ESRRG: variants seen among roughly 807,000 people sequenced by gnomAD.
The protein encoded by ESRRG is estrogen-related receptor gamma.
A neutral mutation model predicts 44.0 loss-of-function variants in ESRRG; 13 were observed. That is an observed-to-expected ratio of 0.30 (90% CI 0.19 to 0.47). The LOEUF (loss-of-function observed/expected upper bound fraction) is 0.47. Among genes scored for constraint, ESRRG ranks in the 20% least tolerant of loss-of-function variants. The probability of loss-of-function intolerance (pLI) is 1.00; values close to 1 mark genes in which losing one functional copy is unlikely to be tolerated. For missense variants in ESRRG, 395 were observed against 580.6 expected (o/e 0.68, Z 3.29); for synonymous variants, 215 against 214.6 (o/e 1.00, Z -0.02).
intron 2 of ESRRG, among the ~76,000 whole-genome samples, chr1:216,777,320 C>T (rs1313181937): frequency 1.3e-5 from 2 of 152,094 alleles, no homozygotes; most frequent in African/African-American, 4.8e-5. Context: ...CCTAGCAGCT[C>T]CTCCCATTCC....
intron 2 of ESRRG, among the ~76,000 whole-genome samples, chr1:216,667,075 C>A (rs1240648810): frequency 2.0e-5 from 3 of 152,192 alleles, no homozygotes; most frequent in Non-Finnish European, 2.9e-5. Context: ...ACCAGATAGG[C>A]ACCAGGTCTT....
chr1:216,862,557 A>T, intron 2 of ESRRG: 1 of 152,194 alleles, frequency 6.6e-6, no homozygotes, highest in Non-Finnish European at 1.5e-5. Context: ...GTACCTCAGT[A>T]ATAAAAAGGA....
upstream of ESRRG, among the ~76,000 whole-genome samples, chr1:216,724,488 C>T (rs1280832851): frequency 6.6e-6 from 1 of 151,494 alleles, no homozygotes; most frequent in Non-Finnish European, 1.5e-5. Flanking sequence ...TGATTTTACC[C>T]AAAACATCCT....
intron 3 of ESRRG, among the ~76,000 whole-genome samples, chr1:216,628,215 T>A (rs2063516591): frequency 6.6e-6 from 1 of 152,210 alleles, no homozygotes; most frequent in African/African-American, 2.4e-5. Context: ...ATAACTCTGT[T>A]GAACCTGATA....
intron 1 of ESRRG, among the ~76,000 whole-genome samples, chr1:217,122,983 C>T (rs909041641): frequency 2.0e-5 from 3 of 152,154 alleles, no homozygotes; most frequent in East Asian, 1.9e-4. Flanking sequence ...TGAGCCACCG[C>T]GCCCAGCCAG....
intron 2 of ESRRG, among the ~76,000 whole-genome samples, chr1:216,823,914 G>A (rs948367538): frequency 2.6e-4 from 40 of 152,124 alleles, no homozygotes; most frequent in African/African-American, 9.7e-4. Context: ...TGCAATGAAA[G>A]GGAAGTCTGT....
intron 2 of ESRRG, among the ~76,000 whole-genome samples, chr1:216,835,109 T>C (rs891797298): frequency 2.6e-5 from 4 of 152,010 alleles, no homozygotes; most frequent in Admixed American, 2.0e-4. Context: ...GCTTTGTTTT[T>C]GGAATAAGAG....
intron 2 of ESRRG, among the ~76,000 whole-genome samples, chr1:216,778,703 C>A (rs2093704200): frequency 1.3e-5 from 2 of 152,022 alleles, no homozygotes; most frequent in Middle Eastern, 3.4e-3. Context: ...ACACCCACTG[C>A]AAAATTGTAC....
intron 2 of ESRRG, among the ~76,000 whole-genome samples, chr1:216,930,165 C>T (rs1331509476): frequency 3.9e-5 from 6 of 152,160 alleles, no homozygotes; most frequent in African/African-American, 1.4e-4. Flanking sequence ...CTCACACATC[C>T]TTATTTTTCT....
intron 1 of ESRRG, among the ~76,000 whole-genome samples, chr1:217,020,386 GGGA>G (rs1423946769): frequency 6.6e-6 from 1 of 152,132 alleles, no homozygotes; most frequent in African/African-American, 2.4e-5. Context: ...CTTAACTGTA[GGGA>G]TTATCTACCA....
intron 2 of ESRRG, among the ~76,000 whole-genome samples, chr1:216,656,681 AT>A (rs1256728502): frequency 6.6e-6 from 1 of 152,206 alleles, no homozygotes; most frequent in Non-Finnish European, 1.5e-5. Flanking sequence ...AAATAAAAAT[AT>A]ATGTCAAATC....
At chr1:217,082,347 T>C (rs2091822457) in intron 1 of ESRRG, among the ~76,000 whole-genome samples, 1 of 152,244 alleles carries the variant, frequency 6.6e-6, no homozygotes. Context: ...TAAGCACTTT[T>C]ATAGCCAAGA....
intron 2 of ESRRG, among the ~76,000 whole-genome samples, chr1:216,755,028 T>C (rs893727969): frequency 6.6e-6 from 1 of 152,012 alleles, no homozygotes; most frequent in Admixed American, 6.6e-5. Context: ...TTCATGTTTA[T>C]ATATTTTGGG....
rs189519266 is a variant in ESRRG, at chr1:216,887,274, C to T, written c.-14+52308G>A. On this transcript the variant is annotated intron_variant, in intron 2 of 7. Coordinates refer to the ESRRG transcript ENST00000359162. ...TATATACAGTATTTCAGCTACATATCAGTTAAGTAAACTTTCCTGGAATTG... is the reference window on the plus strand; with the variant it reads ...TATATACAGTATTTCAGCTACATATTAGTTAAGTAAACTTTCCTGGAATTG... Among the ~76,000 whole-genome samples the T allele has an allele frequency of 5.6e-4, 85 of 152,278 alleles. No homozygotes were observed. In the Middle Eastern group the frequency reaches 0.02, roughly 37 times the overall value.
intron 1 of ESRRG, among the ~76,000 whole-genome samples, chr1:216,720,946 T>C (rs2086133309): frequency 6.6e-6 from 1 of 152,224 alleles, no homozygotes; most frequent in Non-Finnish European, 1.5e-5. Context: ...GTCCGCTCTA[T>C]AATCCTGTAG....
chr1:216,601,250 G>T (rs1285536303), intron 3 of ESRRG, among the ~76,000 whole-genome samples: 3 of 151,988 alleles, frequency 2.0e-5, no homozygotes, highest in Non-Finnish European at 4.4e-5. Flanking sequence ...CCCGGCCGTC[G>T]GACCGCGCCC....
At chr1:217,024,095 A>G (rs1293601693) in intron 1 of ESRRG, among the ~76,000 whole-genome samples, 1 of 152,244 alleles carries the variant, frequency 6.6e-6, no homozygotes, top group African/African-American at 2.4e-5. Flanking sequence ...ACTGTGGCTC[A>G]TGCCTGTAAT....
chr1:216,563,437 C>T (rs1171404475), intron 5 of ESRRG, among the ~76,000 whole-genome samples: 3 of 152,128 alleles, frequency 2.0e-5, no homozygotes, highest in Non-Finnish European at 4.4e-5. Flanking sequence ...ATTACTGTAG[C>T]ATTCAAAGCA....
intron 1 of ESRRG, among the ~76,000 whole-genome samples, chr1:217,064,286 G>T (rs553500285): frequency 8.5e-5 from 13 of 152,054 alleles, no homozygotes; most frequent in African/African-American, 3.1e-4. Context: ...ATGTTGTGAA[G>T]ATTAAATGAT....
Sources: allele counts gnomAD v4.1 joint callset (sites outside exome capture counted in the v4.1 genomes callset), GRCh38; gene constraint gnomAD v4.1.1; transcripts MANE v1.5; gene names NCBI Gene and HGNC (gene_info 2026-07-23, HGNC 2026-07-21).